The following GPLD1 variants were observed in gnomAD, a reference collection of about 807,000 sequenced individuals.
The protein encoded by GPLD1 is glycosylphosphatidylinositol specific phospholipase D1.
A neutral mutation model predicts 112.6 loss-of-function variants in GPLD1; 84 were observed. The ratio of observed to expected loss-of-function variants is 0.75; its 90% CI spans 0.63 to 0.89. GPLD1 has a LOEUF of 0.89. GPLD1 is among the 40% of genes least tolerant of loss of function. GPLD1 has a pLI of 0.00. For synonymous variants in GPLD1, 386 were observed against 403.8 expected (o/e 0.96, Z 0.53); for missense variants, 1,044 against 1,051.5 (o/e 0.99, Z 0.10).
chr6:24,463,191 TA>T (rs11433455), intron 10 of GPLD1, among the ~76,000 whole-genome samples: 4 of 151,770 alleles, frequency 2.6e-5, no homozygotes, highest in Non-Finnish European at 5.9e-5. Flanking sequence ...TTCATTTCTT[TA>T]AAAAAAATTC....
At chr6:24,445,898 G>T in intron 18 of GPLD1, 67 bp from the exon 19 acceptor site, 1 of 1,145,258 alleles carries the variant, frequency 8.7e-7, no homozygotes, top group Non-Finnish European at 1.3e-6. Context: ...GTACTCAGGA[G>T]CAAGGAAAGG....
chr6:24,424,873 T>C (rs1368167491), downstream of GPLD1: 1 of 152,144 alleles, frequency 6.6e-6, no homozygotes, highest in Non-Finnish European at 1.5e-5. Flanking sequence ...GGTGGTTTGG[T>C]GATAGGAATA....
Position 24,428,653 on chromosome 6 carries a change from C to A in GPLD1, c.*379G>T. The A allele has an allele frequency of 6.0e-6, 1 of 166,594 alleles. No individual in the cohort carries two copies. Among genetic ancestry groups the A allele is most frequent in the Non-Finnish European group, 1.3e-5 (1 of 77,742 alleles). The allele number at this position is 166,594 out of a possible 1,614,324, so 10.3% of individuals were successfully genotyped here. A position where few individuals can be genotyped will look rare whatever the true frequency, so the allele number is the denominator to read the frequency against. ...TACAGAGACTGTTCTAACAGATAAC[C>A]ACAGAGGGACCTTTCCAGCCATTGG... On this transcript the variant is annotated 3_prime_UTR_variant, in exon 25 of 25. Transcript: ENST00000230036.
Position 24,428,180 on chromosome 6 carries a change from T to C in GPLD1, c.*852A>G, listed in dbSNP as rs1384286319. 6.8e-6 allele frequency: 1 copy of C among 146,934 alleles called. No individual in the cohort carries two copies. Among genetic ancestry groups the C allele is most frequent in the Non-Finnish European group, 1.5e-5 (1 of 66,956 alleles). The allele number at this position is 146,934 out of a possible 1,614,324, so 9.1% of individuals were successfully genotyped here. On this transcript the variant is annotated 3_prime_UTR_variant, in exon 25 of 25. Transcript: ENST00000230036. ...TTTCTTTTTTTTTTTTTTTTCTGTA[T>C]ACTATGCTTTCTATTATACTTTGAT...
intron 2 of GPLD1, among the ~76,000 whole-genome samples, chr6:24,480,568 C>CACAA (rs1241689258): frequency 6.6e-6 from 1 of 152,098 alleles, no homozygotes; most frequent in African/African-American, 2.4e-5. Flanking sequence ...TACGCACGCA[C>CACAA]ACAAACAAGC....
chr6:24,435,009 T>C, intron 22 of GPLD1, among the ~76,000 whole-genome samples: 1 of 145,748 alleles, frequency 6.9e-6, no homozygotes, highest in East Asian at 2.0e-4. Context: ...GGGCATAATA[T>C]TAATTTCTTT....
At chr6:24,432,825 C>CCA (rs1762450120) in intron 24 of GPLD1, among the ~76,000 whole-genome samples, 1 of 152,182 alleles carries the variant, frequency 6.6e-6, no homozygotes, top group African/African-American at 2.4e-5. Context: ...CGGCTATGTT[C>CCA]CACTACAGCT....
At position 24,427,901 on chromosome 6, in the gene GPLD1, G is replaced by A. The variant is rs1001874563; in HGVS notation, c.*1131C>T. Among the ~76,000 whole-genome samples the A allele has an allele frequency of 1.4e-5, 2 of 145,826 alleles. No individual in the cohort carries two copies. Among genetic ancestry groups the A allele is most frequent in the African/African-American group, 5.0e-5 (2 of 40,204 alleles). On this transcript the variant is annotated 3_prime_UTR_variant, in exon 25 of 25. Transcript: ENST00000230036. ...TCCTTAGCAAACTAACACACGACCA[G>A]GAACAGAAAACCAAATACCAAGTAT...
At chr6:24,492,423 T>C (rs373989050), upstream of GPLD1, among the ~76,000 whole-genome samples, 155 of 147,436 alleles carry the variant, frequency 1.1e-3, no homozygotes, top group African/African-American at 3.7e-3. Context: ...GGAGAATCAC[T>C]TGAACCCAGG....
chr6:24,456,721 T>A (rs916867739), intron 12 of GPLD1, 84 bp from the exon 13 acceptor site: 21 of 873,370 alleles, frequency 2.4e-5, no homozygotes, highest in Non-Finnish European at 3.2e-5. Flanking sequence ...GTATTGGACT[T>A]GTGTAAAGGA....
intron 6 of GPLD1, chr6:24,473,210 T>C (rs879943991): frequency 1.3e-5 from 2 of 154,028 alleles, no homozygotes; most frequent in African/African-American, 2.4e-5. Context: ...ATATCGACCA[T>C]AAGGGTTTAA....
intron 12 of GPLD1, among the ~76,000 whole-genome samples, chr6:24,457,678 C>T (rs551622074): frequency 9.2e-5 from 14 of 151,770 alleles, no homozygotes; most frequent in African/African-American, 1.4e-4. Context: ...GTCAGGAGTT[C>T]GAGACCAGCC....
intron 20 of GPLD1, among the ~76,000 whole-genome samples, chr6:24,437,635 T>C (rs561027863): frequency 1.1e-4 from 16 of 152,264 alleles, no homozygotes; most frequent in African/African-American, 3.8e-4. Context: ...GAGTCCAAAC[T>C]CTTCACAAGG....
Position 24,448,187 on chromosome 6 carries a change from C to T in GPLD1, c.1468G>A (p.Gly490Ser), listed in dbSNP as rs747096810. The stretch of plus-strand genomic sequence containing the variant: ...GAAGACATTCCTCCTTGTTTGGAAC[C>T]AAAGTAGACATACACGGCACCCTAG... Reference protein sequence around the residue: ...TYKGAVYVYFGSKQGGMSSSP... With the variant: ...TYKGAVYVYFSSKQGGMSSSP... Residue 490 changes from glycine to serine, a missense_variant, in exon 16 of 25, where the codon GGT becomes AGT. By Grantham distance (56) the Gly-to-Ser change is moderately conservative. Transcript: ENST00000230036. 1 of 1,607,582 alleles carries T rather than the reference C, an allele frequency of 6.2e-7. No homozygotes were observed. The highest frequency in any genetic ancestry group is 1.7e-5 in the Admixed American group (1 of 59,166).
upstream of GPLD1, among the ~76,000 whole-genome samples, chr6:24,490,791 T>C (rs1447718206): frequency 6.6e-6 from 1 of 151,356 alleles, no homozygotes; most frequent in African/African-American, 2.4e-5. Flanking sequence ...AGTGGAATGA[T>C]TTGACAACAG....
Position 24,476,229 on chromosome 6 carries a change from A to G in GPLD1, c.282T>C (p.Asn94=), listed in dbSNP as rs1062491. Residue 94 remains asparagine, a synonymous_variant, in exon 4 of 25, where the codon AAT becomes AAC. Coordinates refer to ENST00000230036, the MANE Select transcript of GPLD1 (RefSeq NM_001503.4). ...SESTHWTPFL[N]ASVHYIRENY... is the part of the protein sequence containing the mutation. ...TCTCTCGGATATAATGAACGCTTGC[A>G]TTAAGAAACGGAGTCCAGTGAGTGC... 6.3e-7 allele frequency: 1 copy of G among 1,577,870 alleles called. No homozygotes were observed. Among genetic ancestry groups the G allele is most frequent in the Admixed American group, 1.8e-5 (1 of 56,360 alleles).
Position 24,495,070 on chromosome 6 carries a change from GC to G in GPLD1, n.135del, listed in dbSNP as rs1247811674. On this transcript the variant is annotated non_coding_transcript_exon_variant, in exon 1 of 11. Transcript: ENST00000474784. ...TCGACGTTTCCAGGCTGCCGCCTCCGCCCCCGCGCCGGCGGCCTGGTCCCTG... is the reference window on the plus strand; with the variant it reads ...TCGACGTTTCCAGGCTGCCGCCTCCGCCCCGCGCCGGCGGCCTGGTCCCTG... 4.5e-6 allele frequency: 6 copies of G among 1,328,522 alleles called. No individual in the cohort carries two copies. Among genetic ancestry groups the G allele is most frequent in the South Asian group, 2.2e-5 (1 of 44,840 alleles). The allele number at this position is 1,328,522 out of a possible 1,614,324, so 82.3% of individuals were successfully genotyped here.
At position 24,466,904 on chromosome 6, in the gene GPLD1, G is replaced by A. The variant is rs377322025; in HGVS notation, c.681+8C>T. 1.7e-5 allele frequency: 27 copies of A among 1,607,266 alleles called. No homozygotes were observed. The highest frequency in any genetic ancestry group is 4.0e-5 in the African/African-American group (3 of 74,848). On this transcript the variant is annotated splice_region_variant and intron_variant, in intron 9 of 24. Coordinates refer to ENST00000230036, the MANE Select transcript of GPLD1 (RefSeq NM_001503.4). ...ATCCTTTAAGATTTGGAAGAATGAC[G>A]CCTTTACCTTGGAAACAGCTAGCAT...
rs1762324924 is a variant in GPLD1 at position 24,429,092 on chromosome 6, C to T, written c.2463G>A (p.Arg821=). 12 of 1,613,488 alleles carry T rather than the reference C, an allele frequency of 7.4e-6. No individual in the cohort carries two copies. The African/African-American group carries it at 1.2e-4, about 16-fold the overall frequency. The change falls in exon 25 of 25, where the codon AGG becomes AGA. Residue 821 remains arginine, a synonymous_variant. Transcript: ENST00000230036. ...AKNQVVIAAG[R]SSLGARLSGA... is the part of the protein sequence containing the mutation. ...CGGAGAGTCGGGCTCCCAAAGAACT[C>T]CTTCCAGCAGCAATGACGACTTGGT...
Sources: allele counts gnomAD v4.1 joint callset (sites outside exome capture counted in the v4.1 genomes callset), GRCh38; gene constraint gnomAD v4.1.1; transcripts MANE v1.5; gene names NCBI Gene and HGNC (gene_info 2026-07-23, HGNC 2026-07-21).